The following DAB2 variants were observed in gnomAD, a reference collection of about 807,000 sequenced individuals.
DAB2 encodes the protein disabled homolog 2.
DAB2 carries 28 observed loss-of-function variants against 71.6 expected under a neutral mutation model. The ratio of observed to expected loss-of-function variants is 0.39; its 90% confidence interval spans 0.29 to 0.54. The LOEUF is 0.54. Among genes scored for constraint, DAB2 ranks in the 20% least tolerant of loss-of-function variants. The pLI is 0.68. For missense variants in DAB2, 867 were observed against 928.8 expected (o/e 0.93, Z 0.86); for synonymous variants, 345 against 339.7 (o/e 1.02, Z -0.17).
Position 39,381,445 on chromosome 5 carries a change from G to A in DAB2, c.1504+9C>T. ...AGAGTCATACTTAATTTTATCTCTA[G>A]GCACCTACCTAGACCCACCAGGGGC... On this transcript the variant is annotated intron_variant, in intron 11 of 14. Transcript: ENST00000320816. The A allele has an allele frequency of 6.2e-7, 1 of 1,609,650 alleles. No individual in the cohort carries two copies. Among genetic ancestry groups the A allele is most frequent in the Non-Finnish European group, 8.5e-7 (1 of 1,178,374 alleles).
intron 1 of DAB2, among the ~76,000 whole-genome samples, chr5:39,414,930 A>G (rs1755814324): frequency 6.6e-6 from 1 of 152,098 alleles, no homozygotes; most frequent in Non-Finnish European, 1.5e-5. Context: ...CAAAATAGAC[A>G]TGGTCTCTAC....
At chr5:39,412,505 T>A (rs1045284465) in intron 1 of DAB2, among the ~76,000 whole-genome samples, 1 of 152,176 alleles carries the variant, frequency 6.6e-6, no homozygotes, top group African/African-American at 2.4e-5. Flanking sequence ...TGTTCCCTTA[T>A]ATGGTTTACT....
intron 13 of DAB2, 97 bp downstream of exon 13, chr5:39,375,900 A>G: frequency 1.1e-6 from 1 of 906,990 alleles, no homozygotes; most frequent in African/African-American, 1.7e-5. Flanking sequence ...AAATAAATAA[A>G]TAAATAAAAG....
chr5:39,388,865 C>A lies in DAB2; in HGVS notation c.571-13G>T, dbSNP rs2548573. Reference sequence around the variant, plus strand: ...CCTCACTCCCATTCTGAAAAGATAGCAAATATTTAAGGATTTAGTTGAGCT... The same window carrying A: ...CCTCACTCCCATTCTGAAAAGATAGAAAATATTTAAGGATTTAGTTGAGCT... On this transcript the variant is annotated splice_polypyrimidine_tract_variant and intron_variant, in intron 7 of 14. Coordinates refer to ENST00000320816, the MANE Select transcript of DAB2 (RefSeq NM_001343.4). 1 of 1,608,026 alleles carries A rather than the reference C, an allele frequency of 6.2e-7. No individual in the cohort carries two copies. Among genetic ancestry groups the A allele is most frequent in the African/African-American group, 1.3e-5 (1 of 74,786 alleles).
chr5:39,399,714 C>A (rs1755452685), intron 1 of DAB2, among the ~76,000 whole-genome samples: 1 of 152,170 alleles, frequency 6.6e-6, no homozygotes, highest in Admixed American at 6.5e-5. Context: ...TTCTGGAAGA[C>A]TGCATGAGTC....
At chr5:39,392,286 A>C in intron 4 of DAB2, 79 bp downstream of exon 4, 1 of 1,011,914 alleles carries the variant, frequency 9.9e-7, no homozygotes, top group Non-Finnish European at 1.6e-6. Context: ...AGAACGAAGA[A>C]GGGGAGCCGA....
chr5:39,404,447 A>G (rs2738244), intron 1 of DAB2, among the ~76,000 whole-genome samples: 31,802 of 140,704 alleles, frequency 0.23, 3,761 homozygotes, highest in Admixed American at 0.29. Flanking sequence ...AAATAAATGC[A>G]TGTATTATTA....
chr5:39,383,090 G>A lies in DAB2; in HGVS notation c.869C>T (p.Pro290Leu), dbSNP rs1755019703. 1 of 1,614,168 alleles carries A rather than the reference G, an allele frequency of 6.2e-7. No homozygotes were observed. Residue 290 changes from proline to leucine, a missense_variant, in exon 10 of 15, where the codon CCT becomes CTT. Pro to Leu is a moderately conservative substitution (Grantham distance 98, BLOSUM62 -3). This residue lies in a region of DAB2 where 740 missense variants were observed against 734.3 expected (regional missense o/e 1.01). Transcript: ENST00000320816. ...ATCGTCACGGAAAGGATCAGGATTA[G>A]GGGTGGGAAAGAAGTTGAGATTGGC... is the stretch of plus-strand genomic sequence containing the variant. The part of the protein sequence containing the change: ...FSANLNFFPT[P>L]NPDPFRDDPF...
intron 5 of DAB2, 22 bp downstream of exon 5, chr5:39,390,422 T>C: frequency 6.2e-7 from 1 of 1,611,588 alleles, no homozygotes; most frequent in South Asian, 1.1e-5. Flanking sequence ...TCCCCAGGTC[T>C]ATGTCAAGAC....
intron 13 of DAB2, among the ~76,000 whole-genome samples, chr5:39,375,428 GGGTCA>G (rs1275942302): frequency 3.5e-4 from 54 of 152,278 alleles, no homozygotes; most frequent in African/African-American, 1.0e-3. Context: ...ATGCTTTCAT[GGGTCA>G]GGTTAAGTGA....
At chr5:39,401,184 G>A (rs1272398419) in intron 1 of DAB2, among the ~76,000 whole-genome samples, 2 of 152,164 alleles carry the variant, frequency 1.3e-5, no homozygotes, top group East Asian at 3.9e-4. Flanking sequence ...TTTCACTGAG[G>A]AATGAGACTA....
chr5:39,394,747 T>C (rs1755316768), intron 1 of DAB2, among the ~76,000 whole-genome samples: 1 of 125,924 alleles, frequency 7.9e-6, no homozygotes, highest in Non-Finnish European at 1.8e-5. Context: ...GAAAACTTGC[T>C]AGGCATTATT....
chr5:39,423,504 A>G (rs1209882770), intron 1 of DAB2, among the ~76,000 whole-genome samples: 1 of 152,164 alleles, frequency 6.6e-6, no homozygotes, highest in African/African-American at 2.4e-5. Context: ...GTGACAAGCC[A>G]TTTGGTAGCT....
chr5:39,414,458 G>GT (rs1755803017), intron 1 of DAB2, among the ~76,000 whole-genome samples: 1 of 152,104 alleles, frequency 6.6e-6, no homozygotes, highest in South Asian at 2.1e-4. Flanking sequence ...ATAAGAAGTT[G>GT]TTTGTGGATA....
At chr5:39,388,717 T>C in intron 8 of DAB2, 82 bp downstream of exon 8, 2 of 1,136,696 alleles carry the variant, frequency 1.8e-6, no homozygotes, top group South Asian at 2.7e-5. Flanking sequence ...TCAATACAGA[T>C]TTGGTATCAG....
intron 1 of DAB2, among the ~76,000 whole-genome samples, chr5:39,418,598 T>C (rs1240104837): frequency 6.6e-6 from 1 of 152,104 alleles, no homozygotes; most frequent in Non-Finnish European, 1.5e-5. Flanking sequence ...TCAGATGAGG[T>C]TTAAGTGGTA....
intron 9 of DAB2, among the ~76,000 whole-genome samples, chr5:39,384,706 C>T (rs1755057481): frequency 6.6e-6 from 1 of 152,012 alleles, no homozygotes; most frequent in African/African-American, 2.4e-5. Flanking sequence ...CAGTAAAAGA[C>T]AGAATTATAA....
chr5:39,410,124 A>G (rs1255353185), intron 1 of DAB2, among the ~76,000 whole-genome samples: 3 of 152,082 alleles, frequency 2.0e-5, no homozygotes, highest in Admixed American at 1.3e-4. Context: ...AGGGCTGGGG[A>G]AGGGGAAAAA....
intron 6 of DAB2, 139 bp downstream of exon 6, chr5:39,389,713 T>C: frequency 1.8e-6 from 1 of 548,978 alleles, no homozygotes; most frequent in Non-Finnish European, 3.2e-6. Context: ...GGTTTCGCCA[T>C]GTTGGCCAGG....
Sources: gnomAD v4.1 joint callset for allele counts (sites outside exome capture counted in the v4.1 genomes callset) on GRCh38, gnomAD v4.1.1 for gene constraint, gnomAD v4.1.1 regional missense constraint, MANE v1.5 for transcripts, NCBI Gene and HGNC (gene_info 2026-07-23, HGNC 2026-07-21) for gene names.